CTNNA2: variants seen among roughly 807,000 people sequenced by gnomAD.
CTNNA2 encodes catenin alpha-2.
CTNNA2 carries 42 observed loss-of-function variants against 101.0 expected under a neutral mutation model. The ratio of observed to expected loss-of-function variants is 0.42; its 90% CI spans 0.32 to 0.54. The LOEUF is 0.54. CTNNA2 is among the 20% of genes least tolerant of loss of function. The probability of loss-of-function intolerance (pLI) is 0.14; values close to 1 mark genes in which losing one functional copy is unlikely to be tolerated. For missense variants in CTNNA2, 871 were observed against 1,223.1 expected (o/e 0.71, Z 4.29); for synonymous variants, 450 against 456.4 (o/e 0.99, Z 0.18).
chr2:79,847,019 C>T (rs1171231063), intron 3 of CTNNA2, among the ~76,000 whole-genome samples: 1 of 152,134 alleles, frequency 6.6e-6, no homozygotes, highest in African/African-American at 2.4e-5. Context: ...TATTTGGAAA[C>T]CTGGAGAGAG....
intron 8 of CTNNA2, among the ~76,000 whole-genome samples, chr2:80,418,912 A>G (rs565116304): frequency 2.0e-5 from 3 of 152,310 alleles, no homozygotes; most frequent in South Asian, 4.1e-4. Flanking sequence ...CATAGCAACT[A>G]TGTCATCATA....
intron 18 of CTNNA2, among the ~76,000 whole-genome samples, chr2:80,637,122 TGTAGGAAA>T (rs1302641687): frequency 1.3e-5 from 2 of 152,108 alleles, no homozygotes; most frequent in African/African-American, 4.8e-5. Flanking sequence ...AGGATGAAGA[TGTAGGAAA>T]AGAGAAACAT....
chr2:80,567,573 C>G (rs1348119335), intron 12 of CTNNA2, among the ~76,000 whole-genome samples: 1 of 152,124 alleles, frequency 6.6e-6, no homozygotes, highest in Non-Finnish European at 1.5e-5. Context: ...TGAATAATCC[C>G]TTAGCAGTGT....
chr2:79,651,668 G>T lies in CTNNA2; in HGVS notation c.102+10G>T, dbSNP rs758295172. On this transcript the variant is annotated intron_variant, in intron 2 of 18. Coordinates refer to ENST00000402739, the MANE Select transcript of CTNNA2 (RefSeq NM_001282597.3). ...GCCACTTGTTACACAGGTAAGGGAT[G>T]CTTTGAAACCACTTTGTTATATATG... 1.6e-5 allele frequency: 26 copies of T among 1,608,896 alleles called. 2 individuals are homozygous for T. In the Middle Eastern group the frequency reaches 6.6e-4, roughly 41 times the overall value.
chr2:79,515,813 C>G (rs1475762758), intron 1 of CTNNA2, among the ~76,000 whole-genome samples: 2 of 152,068 alleles, frequency 1.3e-5, no homozygotes, highest in African/African-American at 4.8e-5. Flanking sequence ...GTTGACTGGA[C>G]CTTTAAAAAT....
intron 1 of CTNNA2, among the ~76,000 whole-genome samples, chr2:79,626,987 G>T (rs1212040504): frequency 6.6e-6 from 1 of 152,176 alleles, no homozygotes; most frequent in Admixed American, 6.5e-5. Flanking sequence ...CTCTGATAAA[G>T]AAGTATAATT....
chr2:80,130,333 C>CTTTACTGTT (rs1466695110), intron 7 of CTNNA2, among the ~76,000 whole-genome samples: 1 of 152,164 alleles, frequency 6.6e-6, no homozygotes, highest in Non-Finnish European at 1.5e-5. Context: ...TACTGTTTCT[C>CTTTACTGTT]TAAATTGGAG....
intron 18 of CTNNA2, among the ~76,000 whole-genome samples, chr2:80,637,480 A>G (rs572796677): frequency 6.6e-6 from 1 of 152,162 alleles, no homozygotes; most frequent in Admixed American, 6.6e-5. Flanking sequence ...CCAGTGACAG[A>G]GAGTGCACAG....
chr2:80,581,760 C>G lies in CTNNA2; in HGVS notation c.1948C>G (p.Arg650Gly), dbSNP rs776677678. Residue 650 changes from arginine (R) to glycine (G), a missense_variant, in exon 14 of 19, where the codon CGT (arginine) becomes GGT (glycine). Around this residue, in one of 5 missense-constraint regions of CTNNA2, gnomAD observed 93 missense variants for 223.7 expected, o/e 0.42. Transcript: ENST00000402739. ...CTTTGAGCAGGAAGATTATGATGTG[C>G]GTAGCAGGACAAGTGTTCAGACTGA... The part of the protein sequence containing the change: ...SDFEQEDYDV[R>G]SRTSVQTEDD... 8.7e-6 allele frequency: 14 copies of G among 1,613,260 alleles called. No individual in the cohort carries two copies. Among genetic ancestry groups the G allele is most frequent in the South Asian group, 1.1e-5 (1 of 91,064 alleles).
chr2:80,241,057 CA>C (rs1670893584), intron 7 of CTNNA2, among the ~76,000 whole-genome samples: 1 of 152,096 alleles, frequency 6.6e-6, no homozygotes, highest in African/African-American at 2.4e-5. Flanking sequence ...GCTGCCAATT[CA>C]GGCAGGTGAA....
chr2:79,996,440 G>A (rs185505724), intron 7 of CTNNA2, among the ~76,000 whole-genome samples: 1 of 152,214 alleles, frequency 6.6e-6, no homozygotes, highest in East Asian at 1.9e-4. Flanking sequence ...TACCTGCCTG[G>A]TGTTCTGATT....
chr2:80,427,101 A>G (rs1681064566), intron 9 of CTNNA2, among the ~76,000 whole-genome samples: 1 of 152,126 alleles, frequency 6.6e-6, no homozygotes, highest in Admixed American at 6.5e-5. Flanking sequence ...CACCTAGCAT[A>G]TAGCAGGTAT....
chr2:80,559,880 A>ATATCTATATC (rs1693399902), intron 12 of CTNNA2, among the ~76,000 whole-genome samples: 1 of 142,676 alleles, frequency 7.0e-6, no homozygotes, highest in African/African-American at 2.6e-5. Context: ...TATCATATTT[A>ATATCTATATC]TATATATATA....
intron 2 of CTNNA2, among the ~76,000 whole-genome samples, chr2:79,312,189 A>G (rs1676390674): frequency 6.6e-6 from 1 of 152,124 alleles, no homozygotes; most frequent in Non-Finnish European, 1.5e-5. Context: ...GATTATAAAC[A>G]TGAGCTACTA....
At chr2:79,750,472 C>T (rs1416935525) in intron 3 of CTNNA2, among the ~76,000 whole-genome samples, 1 of 152,198 alleles carries the variant, frequency 6.6e-6, no homozygotes, top group South Asian at 2.1e-4. Context: ...GCTTAGATTA[C>T]TTATCAATCC....
rs1158150278 is a variant in CTNNA2, at chr2:79,909,648, C to G, written c.907C>G (p.Leu303Val). 6.2e-7 allele frequency: 1 copy of G among 1,613,508 alleles called. No homozygotes were observed. Residue 303 changes from leucine (L) to valine (V), a missense_variant, in exon 7 of 19, where the codon CTG (leucine) becomes GTG (valine). Physicochemically the swap from Leu to Val is conservative, Grantham distance 32. Around this residue, in one of 5 missense-constraint regions of CTNNA2, gnomAD observed 647 missense variants for 831.5 expected, o/e 0.78. Transcript: ENST00000402739. ...CAGCGAGGCCAGGTTCCGGCCGTCC[C>G]TGGAGGAGAGGCTGGAGAGCATCAT... ...TFSEARFRPS[L>V]EERLESIISG...
chr2:79,349,621 T>C (rs552790183), intron 3 of CTNNA2, among the ~76,000 whole-genome samples: 1 of 152,250 alleles, frequency 6.6e-6, no homozygotes. Context: ...TATTACAATG[T>C]AGTTATAGTA....
intron 7 of CTNNA2, among the ~76,000 whole-genome samples, chr2:80,383,435 A>C (rs1405514596): frequency 6.6e-6 from 1 of 152,216 alleles, no homozygotes; most frequent in Non-Finnish European, 1.5e-5. Flanking sequence ...AACCAGGCAC[A>C]TTCTACTCAC....
intron 1 of CTNNA2, among the ~76,000 whole-genome samples, chr2:79,518,558 A>G (rs1029325056): frequency 6.6e-6 from 1 of 152,124 alleles, no homozygotes; most frequent in Non-Finnish European, 1.5e-5. Context: ...GAGCTATGTC[A>G]GTTGTTCTTC....
Sources: gnomAD v4.1 joint callset for allele counts (sites outside exome capture counted in the v4.1 genomes callset) on GRCh38, gnomAD v4.1.1 for gene constraint, gnomAD v4.1.1 regional missense constraint, MANE v1.5 for transcripts, NCBI Gene and HGNC (gene_info 2026-07-23, HGNC 2026-07-21) for gene names.